Variants in CHN1 observed in about 807,000 individuals in gnomAD.
CHN1 encodes chimerin 1.
Under a neutral mutation model 59.5 loss-of-function variants are expected in CHN1, and 37 were observed. The observed-to-expected ratio is 0.62, with a 90% confidence interval of 0.48 to 0.82. The LOEUF is 0.82. CHN1 is among the 40% of genes least tolerant of loss of function. CHN1 has a pLI of 0.00. For synonymous variants in CHN1, 206 were observed against 200.4 expected (o/e 1.03, Z -0.24); for missense variants, 469 against 571.0 (o/e 0.82, Z 1.82).
chr2:174,905,723 A>G (rs376234538), intron 5 of CHN1, among the ~76,000 whole-genome samples: 165 of 152,026 alleles, frequency 1.1e-3, no homozygotes, highest in African/African-American at 3.6e-3. Context: ...ATGCCCGGCT[A>G]ATTTTTGTAT....
At chr2:174,815,821 C>T (rs1288668749) in intron 8 of CHN1, among the ~76,000 whole-genome samples, 1 of 152,024 alleles carries the variant, frequency 6.6e-6, no homozygotes, top group African/African-American at 2.4e-5. Flanking sequence ...GACTCTGGTT[C>T]CTACTAAATC....
chr2:174,905,300 A>G (rs1688512946), intron 5 of CHN1, among the ~76,000 whole-genome samples: 2 of 152,330 alleles, frequency 1.3e-5, no homozygotes, highest in South Asian at 4.1e-4. Flanking sequence ...AGATAACTAG[A>G]GAGACAGTCA....
chr2:174,957,933 AG>A (rs1690265292), intron 1 of CHN1, among the ~76,000 whole-genome samples: 2 of 152,214 alleles, frequency 1.3e-5, no homozygotes, highest in African/African-American at 4.8e-5. Flanking sequence ...TATGCAATAA[AG>A]CCCCAATGAA....
Position 174,944,934 on chromosome 2 carries a change from A to G in CHN1, c.68T>C (p.Leu23Pro). 6.3e-7 allele frequency: 1 copy of G among 1,575,712 alleles called. No individual in the cohort carries two copies. Among genetic ancestry groups the G allele is most frequent in the Non-Finnish European group, 8.6e-7 (1 of 1,158,764 alleles). Residue 23 changes from leucine (L) to proline (P), a missense_variant, in exon 3 of 13, where the codon CTA (leucine) becomes CCA (proline). Physicochemically the swap from Leu to Pro is moderately conservative, Grantham distance 98. Transcript: ENST00000409900. ...PPVWKSYLYQ[L>P]QQEAPHPRRI... The stretch of plus-strand genomic sequence containing the variant: ...TCGAGGATGAGGGGCTTCCTGTTGT[A>G]GCTGATATACTGTGAGAAGGTAGAA...
intron 3 of CHN1, among the ~76,000 whole-genome samples, chr2:174,927,637 A>G (rs1689215670): frequency 6.6e-6 from 1 of 152,202 alleles, no homozygotes; most frequent in Non-Finnish European, 1.5e-5. Flanking sequence ...AGTTCAAGAC[A>G]GTAGTCCAAA....
At chr2:174,910,774 C>A (rs1159657202) in intron 5 of CHN1, among the ~76,000 whole-genome samples, 4 of 151,874 alleles carry the variant, frequency 2.6e-5, no homozygotes, top group African/African-American at 9.7e-5. Flanking sequence ...GTGGCGGGCG[C>A]CTGTAGTCCC....
At chr2:174,883,512 C>A (rs1172093713) in intron 5 of CHN1, among the ~76,000 whole-genome samples, 1 of 152,122 alleles carries the variant, frequency 6.6e-6, no homozygotes, top group Non-Finnish European at 1.5e-5. Flanking sequence ...AGAGTAGAGA[C>A]CATCATCCTA....
intron 6 of CHN1, among the ~76,000 whole-genome samples, chr2:174,863,695 C>T (rs191877777): frequency 6.6e-6 from 1 of 152,156 alleles, no homozygotes; most frequent in Admixed American, 6.5e-5. Flanking sequence ...GCTTCAGAAC[C>T]GCATATCTAA....
chr2:174,985,878 C>G (rs1691323432), intron 1 of CHN1, among the ~76,000 whole-genome samples: 1 of 152,168 alleles, frequency 6.6e-6, no homozygotes, highest in African/African-American at 2.4e-5. Flanking sequence ...AACAAGTTGG[C>G]AAGTGCCATC....
intron 6 of CHN1, among the ~76,000 whole-genome samples, chr2:174,864,266 C>G (rs768263225): frequency 6.6e-6 from 1 of 152,062 alleles, no homozygotes; most frequent in Non-Finnish European, 1.5e-5. Flanking sequence ...AGGTGACTGT[C>G]AACTCAGAGG....
chr2:174,807,442 CTATCTG>C (rs1302262498), intron 11 of CHN1, among the ~76,000 whole-genome samples: 8 of 114,196 alleles, frequency 7.0e-5, no homozygotes, highest in East Asian at 3.0e-4. Context: ...TTTTCACGGG[CTATCTG>C]TGTGTGTGTG....
chr2:174,953,081 G>A (rs148711530), intron 1 of CHN1, among the ~76,000 whole-genome samples: 1 of 151,646 alleles, frequency 6.6e-6, no homozygotes, highest in African/African-American at 2.4e-5. Context: ...GAAAGGTATG[G>A]CCAGCCACAT....
intron 3 of CHN1, among the ~76,000 whole-genome samples, chr2:174,926,233 T>C (rs1306101164): frequency 6.6e-6 from 1 of 151,966 alleles, no homozygotes; most frequent in African/African-American, 2.4e-5. Context: ...AGACAAGGTC[T>C]TGCTCTGTCA....
rs890841808 is a variant in CHN1, at chr2:174,799,798, A to G, written c.*318T>C. 1.8e-6 allele frequency: 1 copy of G among 546,968 alleles called. No individual in the cohort carries two copies. Among genetic ancestry groups the G allele is most frequent in the East Asian group, 3.8e-5 (1 of 26,144 alleles). 33.9% of individuals were successfully genotyped at this position (546,968 alleles called of 1,614,324 possible). A position where few individuals can be genotyped will look rare whatever the true frequency, so the allele number is the denominator to read the frequency against. ...GGATTACAAGCACAGACTACCCAGG[A>G]CGCAGAGGCGGTGCAGGCGCAGGTT... On this transcript the variant is annotated 3_prime_UTR_variant, in exon 13 of 13. Coordinates refer to ENST00000409900, the MANE Select transcript of CHN1 (RefSeq NM_001822.7).
chr2:174,908,858 T>C (rs1214805067), intron 5 of CHN1, among the ~76,000 whole-genome samples: 2 of 152,178 alleles, frequency 1.3e-5, no homozygotes, highest in Admixed American at 6.5e-5. Flanking sequence ...GGGATAAATA[T>C]TTTTGGATAT....
intron 3 of CHN1, among the ~76,000 whole-genome samples, chr2:174,926,632 G>A (rs1350314451): frequency 6.6e-6 from 1 of 152,150 alleles, no homozygotes; most frequent in Non-Finnish European, 1.5e-5. Context: ...GAAAAATGCA[G>A]ATTCACTGAG....
Position 174,937,502 on chromosome 2 carries a change from T to A in CHN1, c.114+7386A>T, listed in dbSNP as rs570788164. Among the ~76,000 whole-genome samples, 85 of 152,358 alleles carry A rather than the reference T, an allele frequency of 5.6e-4. 2 individuals are homozygous for A. In the South Asian group the frequency reaches 0.016, roughly 28 times the overall value. ...CCCATAAATAATAATTATTACTTTT[T>A]AAAAACTATCACCTTATCAATTGTA... On this transcript the variant is annotated intron_variant, in intron 3 of 12. Transcript: ENST00000409900.
chr2:174,900,764 C>G (rs867754931), intron 5 of CHN1, among the ~76,000 whole-genome samples: 19 of 151,486 alleles, frequency 1.3e-4, no homozygotes, highest in South Asian at 1.3e-3. Flanking sequence ...GAGATTGCGC[C>G]ATTGCACCCC....
At chr2:174,883,694 A>G (rs1687805735) in intron 5 of CHN1, among the ~76,000 whole-genome samples, 1 of 152,136 alleles carries the variant, frequency 6.6e-6, no homozygotes, top group Non-Finnish European at 1.5e-5. Context: ...AGAGGAAACA[A>G]AATCATGCAT....
Sources: gnomAD v4.1 joint callset for allele counts (sites outside exome capture counted in the v4.1 genomes callset) on GRCh38, gnomAD v4.1.1 for gene constraint, MANE v1.5 for transcripts, NCBI Gene and HGNC (gene_info 2026-07-23, HGNC 2026-07-21) for gene names.